The following BIN3 variants were observed in gnomAD, a reference collection of about 807,000 sequenced individuals.
The protein encoded by BIN3 is bridging integrator 3.
Under a neutral mutation model 38.2 loss-of-function variants are expected in BIN3, and 41 were observed. That is an observed-to-expected ratio of 1.07 (90% CI 0.84 to 1.39). The LOEUF (loss-of-function observed/expected upper bound fraction) is 1.39, where lower values mean the gene tolerates loss of function less well. Among genes scored for constraint, BIN3 ranks in the 40% most tolerant of loss-of-function variants. The probability of loss-of-function intolerance (pLI) is 0.00; values close to 1 mark genes in which losing one functional copy is unlikely to be tolerated. For missense variants in BIN3, 361 were observed against 324.3 expected, an observed-to-expected ratio of 1.11 and a Z score of -0.87; for synonymous variants, 145 against 122.6, an observed-to-expected ratio of 1.18 and a Z score of -1.21.
rs1801812514 is a variant in BIN3 at position 22,621,458 on chromosome 8, ACT to A, written c.724_725del (p.Ser242Ter). On this transcript the variant is annotated frameshift_variant, in exon 9 of 9. Transcript: ENST00000276416. LOFTEE classifies it high-confidence loss of function. ...CCACAATGGAGAGGGCCCGGAGCTC[ACT>A]GAGTTTGGCCTCGTTCTCCCGCTCC... ...QRERENEAKL[S>X]ELRALSIVAD... 6.2e-7 allele frequency: 1 copy of A among 1,613,634 alleles called. No individual in the cohort carries two copies. The highest frequency in any genetic ancestry group is 8.5e-7 in the Non-Finnish European group (1 of 1,179,800).
intron 1 of BIN3, among the ~76,000 whole-genome samples, chr8:22,649,999 A>G (rs1005565185): frequency 2.0e-5 from 3 of 152,136 alleles, no homozygotes; most frequent in African/African-American, 7.2e-5. Context: ...AGAATATATC[A>G]TTTTCACTCT....
intron 1 of BIN3, among the ~76,000 whole-genome samples, chr8:22,661,836 G>T (rs1803246846): frequency 6.6e-6 from 1 of 151,876 alleles, no homozygotes; most frequent in South Asian, 2.1e-4. Flanking sequence ...TGTTGCCCAG[G>T]CTGGAGTGCA....
chr8:22,649,593 A>G (rs1802818086), intron 1 of BIN3, among the ~76,000 whole-genome samples: 1 of 152,096 alleles, frequency 6.6e-6, no homozygotes, highest in African/African-American at 2.4e-5. Context: ...AGTAAGAAAA[A>G]CTGAAGCAAA....
chr8:22,666,775 G>A (rs1176079675), intron 1 of BIN3, among the ~76,000 whole-genome samples: 59 of 152,338 alleles, frequency 3.9e-4, no homozygotes, highest in African/African-American at 2.4e-5. Context: ...ACCCTCTGGG[G>A]ACCATGGGCC....
chr8:22,634,403 C>T (rs536223123), intron 4 of BIN3: 1 of 444,032 alleles, frequency 2.3e-6, no homozygotes, highest in Admixed American at 2.4e-5. Flanking sequence ...CACAGGCAGT[C>T]AGCGCTCACC....
intron 8 of BIN3, among the ~76,000 whole-genome samples, chr8:22,622,917 C>T (rs972215574): frequency 6.6e-6 from 1 of 152,214 alleles, no homozygotes; most frequent in Non-Finnish European, 1.5e-5. Context: ...GACAAGGTCC[C>T]GCCCCGGCAT....
intron 2 of BIN3, among the ~76,000 whole-genome samples, chr8:22,644,125 G>A (rs997330217): frequency 3.9e-5 from 6 of 152,212 alleles, no homozygotes; most frequent in Non-Finnish European, 8.8e-5. Context: ...GAAAAATCAG[G>A]AGGTTGGACT....
intron 2 of BIN3, among the ~76,000 whole-genome samples, chr8:22,638,077 C>A (rs573745915): frequency 1.2e-3 from 189 of 152,146 alleles, no homozygotes; most frequent in Middle Eastern, 3.4e-3. Context: ...AGAAAGAAGT[C>A]TTCCTGGCTG....
At chr8:22,665,745 T>C (rs772971439) in intron 1 of BIN3, among the ~76,000 whole-genome samples, 1 of 152,192 alleles carries the variant, frequency 6.6e-6, no homozygotes, top group Non-Finnish European at 1.5e-5. Flanking sequence ...GGCCCAGAGT[T>C]GGGCCTCTAT....
chr8:22,661,444 G>A (rs1339950913), intron 1 of BIN3, among the ~76,000 whole-genome samples: 1 of 122,724 alleles, frequency 8.1e-6, no homozygotes, highest in African/African-American at 3.1e-5. Context: ...TGCAACCTCC[G>A]CCTCCTGGGC....
intron 1 of BIN3, among the ~76,000 whole-genome samples, chr8:22,665,986 A>G (rs559679385): frequency 6.6e-6 from 1 of 152,192 alleles, no homozygotes; most frequent in Non-Finnish European, 1.5e-5. Context: ...TCAATGCTTG[A>G]CCAGGCCGCA....
chr8:22,648,280 A>C (rs1448270969), intron 1 of BIN3, among the ~76,000 whole-genome samples: 1 of 152,108 alleles, frequency 6.6e-6, no homozygotes, highest in East Asian at 1.9e-4. Flanking sequence ...GTGAGAGTCA[A>C]GACTATCCTT....
chr8:22,636,177 G>A (rs781456698), intron 4 of BIN3, among the ~76,000 whole-genome samples: 4 of 152,192 alleles, frequency 2.6e-5, no homozygotes, highest in Non-Finnish European at 4.4e-5. Context: ...TCGTTTCTGC[G>A]GGAAGGAATG....
At chr8:22,649,827 A>G (rs1481307936) in intron 1 of BIN3, among the ~76,000 whole-genome samples, 1 of 110,994 alleles carries the variant, frequency 9.0e-6, no homozygotes, top group Non-Finnish European at 1.8e-5. Flanking sequence ...ACACACACAC[A>G]CACACACACA....
chr8:22,624,192 T>C, intron 7 of BIN3, 30 bp downstream of exon 7: 1 of 1,607,574 alleles, frequency 6.2e-7, no homozygotes, highest in Non-Finnish European at 8.5e-7. Flanking sequence ...CCCACCTGTC[T>C]AGCCCCTGCC....
chr8:22,624,428 T>C (rs532921578), intron 6 of BIN3, 65 bp from the exon 7 acceptor site: 1 of 1,571,686 alleles, frequency 6.4e-7, no homozygotes. Context: ...GAGATGGGTC[T>C]GCTCTTGGAG....
At chr8:22,664,846 G>A (rs1005433067) in intron 1 of BIN3, among the ~76,000 whole-genome samples, 7 of 152,322 alleles carry the variant, frequency 4.6e-5, no homozygotes, top group Non-Finnish European at 8.8e-5. Context: ...CTACACATGT[G>A]AGACAGCAAC....
At chr8:22,630,680 G>T (rs1802165748) in intron 4 of BIN3, 102 bp from the exon 5 acceptor site, 8 of 1,374,296 alleles carry the variant, frequency 5.8e-6, no homozygotes, top group Non-Finnish European at 7.9e-6. Context: ...GCACCCTGAA[G>T]ACCTCTTCCC....
chr8:22,659,609 T>C (rs547174412), intron 1 of BIN3, among the ~76,000 whole-genome samples: 98 of 152,272 alleles, frequency 6.4e-4, no homozygotes, highest in Non-Finnish European at 1.2e-3. Flanking sequence ...TGCTGATACA[T>C]CCGTTTATTT....
Sources: gnomAD v4.1 joint callset for allele counts (sites outside exome capture counted in the v4.1 genomes callset) on GRCh38, gnomAD v4.1.1 for gene constraint, MANE v1.5 for transcripts, NCBI Gene and HGNC (gene_info 2026-07-23, HGNC 2026-07-21) for gene names.